The following A4GALT variants were observed in gnomAD, a reference collection of about 807,000 sequenced individuals.
The protein encoded by A4GALT is lactosylceramide 4-alpha-galactosyltransferase.
For missense variants in A4GALT, 512 were observed against 486.0 expected (o/e 1.05, Z -0.50); for synonymous variants, 257 against 220.7 (o/e 1.16, Z -1.46).
Position 42,692,719 on chromosome 22 carries a change from TC to T in A4GALT, c.*170del, listed in dbSNP as rs1321731296. The T allele has an allele frequency of 3.8e-6, 3 of 788,880 alleles. No homozygotes were observed. In the African/African-American group the frequency reaches 5.1e-5, roughly 13 times the overall value. 48.9% of individuals were successfully genotyped at this position (788,880 alleles called of 1,614,324 possible). A position where few individuals can be genotyped will look rare whatever the true frequency, so the allele number is the denominator to read the frequency against. On this transcript the variant is annotated 3_prime_UTR_variant, in exon 3 of 3. Transcript: ENST00000642412. This position sits in a 1 kb window ranked among gnomAD's most constrained non-coding sequence, Gnocchi z 4.6. ...CCTGCCTCGAGACAGGACACTGTCC[TC>T]GGGGTGTCCACAGCCTCCCACTGGG...
intron 1 of A4GALT, among the ~76,000 whole-genome samples, chr22:42,712,726 G>A (rs1175795445): frequency 6.6e-6 from 1 of 152,126 alleles, no homozygotes; most frequent in South Asian, 2.1e-4. Flanking sequence ...CTGGCCAACA[G>A]GGTGAAACCC....
At chr22:42,707,995 T>A (rs1479190249) in intron 1 of A4GALT, among the ~76,000 whole-genome samples, 1 of 149,874 alleles carries the variant, frequency 6.7e-6, no homozygotes, top group Non-Finnish European at 1.5e-5. Context: ...GGCTCACGCC[T>A]GTAATCCCAG....
chr22:42,716,792 T>C (rs1569071835), intron 1 of A4GALT, among the ~76,000 whole-genome samples: 1 of 152,184 alleles, frequency 6.6e-6, no homozygotes, highest in African/African-American at 2.4e-5. Context: ...TCTGGCTTAA[T>C]GGGTAGAGGC....
intron 1 of A4GALT, among the ~76,000 whole-genome samples, chr22:42,716,648 G>A (rs945561730): frequency 2.6e-5 from 4 of 152,162 alleles, no homozygotes; most frequent in African/African-American, 9.7e-5. Context: ...GCCTGGGGCT[G>A]CACCAGGGCT....
intron 1 of A4GALT, among the ~76,000 whole-genome samples, chr22:42,696,759 C>T (rs1444593058): frequency 6.6e-6 from 1 of 151,802 alleles, no homozygotes; most frequent in Non-Finnish European, 1.5e-5. Flanking sequence ...CCACTGGGCC[C>T]CATGTGTCCC....
intron 1 of A4GALT, among the ~76,000 whole-genome samples, chr22:42,712,503 G>T (rs894262111): frequency 1.1e-4 from 17 of 152,174 alleles, no homozygotes; most frequent in African/African-American, 4.1e-4. Flanking sequence ...CCATGGAAAG[G>T]GCATCTAGAA....
Position 42,692,511 on chromosome 22 carries a change from A to C in A4GALT, c.*379T>G. The C allele has an allele frequency of 2.1e-5, 8 of 379,226 alleles. No individual in the cohort carries two copies. The highest frequency in any genetic ancestry group is 3.7e-5 in the Non-Finnish European group (7 of 190,698). The allele number at this position is 379,226 out of a possible 1,614,324, so 23.5% of individuals were successfully genotyped here. ...CAACAGCCTCCTCTCCTCTCTGGGA[A>C]TCTTGTCCCTTCTTCCCCATCCCCT... On this transcript the variant is annotated 3_prime_UTR_variant, in exon 3 of 3. Transcript: ENST00000642412. This position sits in a 1 kb window ranked among gnomAD's most constrained non-coding sequence, Gnocchi z 4.6.
rs553571087 is a variant in A4GALT, at chr22:42,696,276, C to T, written c.-187-645G>A. 9.2e-5 allele frequency among the ~76,000 whole-genome samples: 14 copies of T among 151,420 alleles called. No individual in the cohort carries two copies. In the South Asian group the frequency reaches 1.5e-3, roughly 16 times the overall value. Reference sequence around the variant, plus strand: ...TCTCTACTAAAAATACAAAATTAGCCGGGCATGGTGGCGCATGCCTGTAAT... The same window carrying T: ...TCTCTACTAAAAATACAAAATTAGCTGGGCATGGTGGCGCATGCCTGTAAT... On this transcript the variant is annotated intron_variant, in intron 1 of 2. Transcript: ENST00000642412.
Position 42,696,153 on chromosome 22 carries a change from G to T in A4GALT, c.-187-522C>A, listed in dbSNP as rs1184409139. ...AAAAAAAAAAAAGCCAGGCGCGGTA[G>T]CTCACGCCTGTAATCCCAGCACTTT... On this transcript the variant is annotated intron_variant, in intron 1 of 2. Coordinates refer to ENST00000642412, the MANE Select transcript of A4GALT (RefSeq NM_017436.7). Among the ~76,000 whole-genome samples the T allele has an allele frequency of 2.2e-5, 3 of 139,244 alleles. No homozygotes were observed. The Admixed American group carries it at 2.2e-4, about 10-fold the overall frequency. 91.3% of individuals were successfully genotyped at this position (139,244 alleles called of 152,430 possible). A position where few individuals can be genotyped will look rare whatever the true frequency, so the allele number is the denominator to read the frequency against.
intron 1 of A4GALT, among the ~76,000 whole-genome samples, chr22:42,706,555 G>C (rs1921151972): frequency 6.6e-6 from 1 of 151,924 alleles, no homozygotes; most frequent in Non-Finnish European, 1.5e-5. Flanking sequence ...AGCACTTTGG[G>C]AGGCCAAGAC....
chr22:42,701,080 C>T (rs527649788), intron 1 of A4GALT, among the ~76,000 whole-genome samples: 1 of 152,340 alleles, frequency 6.6e-6, no homozygotes, highest in South Asian at 2.1e-4. Flanking sequence ...CCTCCCCACC[C>T]ACCTCCACCC....
chr22:42,706,148 G>A lies in A4GALT; in HGVS notation c.-187-10517C>T, dbSNP rs1215004795. Among the ~76,000 whole-genome samples, 6 of 77,538 alleles carry A rather than the reference G, an allele frequency of 7.7e-5. 1 individual carries two copies. The highest frequency in any genetic ancestry group is 1.0e-4 in the Non-Finnish European group (3 of 28,638). The allele number at this position is 77,538 out of a possible 152,430, so 50.9% of individuals were successfully genotyped here. On this transcript the variant is annotated intron_variant, in intron 1 of 2. Coordinates refer to ENST00000642412, the MANE Select transcript of A4GALT (RefSeq NM_017436.7). ...AGGCGGGCGGATCACGAGGTCAGGA[G>A]ATCGAGACCATCCTGGCTAACACGG...
At chr22:42,702,066 C>T (rs1007443217) in intron 1 of A4GALT, among the ~76,000 whole-genome samples, 2 of 152,224 alleles carry the variant, frequency 1.3e-5, no homozygotes, top group Non-Finnish European at 2.9e-5. Context: ...TGTCCCTCCC[C>T]TCTTTCTCTC....
rs772764072 is a variant in A4GALT, at chr22:42,693,182, AC to A, written c.769del (p.Val257SerfsTer93). 6.3e-7 allele frequency: 1 copy of A among 1,597,598 alleles called. No individual in the cohort carries two copies. The highest frequency in any genetic ancestry group is 1.1e-5 in the South Asian group (1 of 89,424). On this transcript the variant is annotated frameshift_variant, in exon 3 of 3. Coordinates refer to ENST00000642412, the MANE Select transcript of A4GALT (RefSeq NM_017436.7). LOFTEE classifies it low-confidence loss of function (END_TRUNC). ...GHQGPQLLTR[V>X]FKKWCSIRSL... Reference sequence around the variant, plus strand: ...GCGGATGGAACACCACTTCTTGAAGACCCGCGTGAGCAGCTGCGGGCCCTGG... The same window carrying A: ...GCGGATGGAACACCACTTCTTGAAGACCGCGTGAGCAGCTGCGGGCCCTGG...
In A4GALT at chr22:42,693,970, C is replaced by G. The variant is rs1265108925; in HGVS notation, c.-19G>C. 2 of 1,558,288 alleles carry G rather than the reference C, an allele frequency of 1.3e-6. No homozygotes were observed. Among genetic ancestry groups the G allele is most frequent in the Admixed American group, 1.9e-5 (1 of 52,470 alleles). ...TGGACATGGTATCCCCAGATCAGAC[C>G]AGGAGCTTCCAGCAGGAACCGGCTG... is the stretch of plus-strand genomic sequence containing the variant. On this transcript the variant is annotated 5_prime_UTR_variant, in exon 3 of 3. Coordinates refer to ENST00000642412, the MANE Select transcript of A4GALT (RefSeq NM_017436.7).
In A4GALT at chr22:42,702,814, C is replaced by T. The variant is rs1340058436; in HGVS notation, c.-187-7183G>A. The stretch of plus-strand genomic sequence containing the variant: ...GTTCCTTCACTTGCCGAGGACGCAC[C>T]TGGTGGAGTCAGGCGGTCCTGGCCC... On this transcript the variant is annotated intron_variant, in intron 1 of 2. Transcript: ENST00000642412. Among the ~76,000 whole-genome samples, 2 of 143,860 alleles carry T rather than the reference C, an allele frequency of 1.4e-5. 1 individual carries two copies. The highest frequency in any genetic ancestry group is 5.9e-5 in the African/African-American group (2 of 34,006). 94.4% of individuals were successfully genotyped at this position (143,860 alleles called of 152,430 possible).
intron 1 of A4GALT, among the ~76,000 whole-genome samples, chr22:42,717,054 G>A (rs751504912): frequency 7.9e-5 from 12 of 152,142 alleles, no homozygotes; most frequent in Non-Finnish European, 1.6e-4. Context: ...GGGAAGGTGT[G>A]TGGGCACAGG....
At chr22:42,720,071 C>T (rs1038488695) in intron 1 of A4GALT, among the ~76,000 whole-genome samples, 2 of 152,130 alleles carry the variant, frequency 1.3e-5, no homozygotes, top group Admixed American at 6.5e-5. Flanking sequence ...CCAGGTGCCC[C>T]GGCAGATCCT....
At chr22:42,720,198 C>T (rs577662650) in intron 1 of A4GALT, among the ~76,000 whole-genome samples, 31 of 152,244 alleles carry the variant, frequency 2.0e-4, no homozygotes, top group Non-Finnish European at 3.4e-4. Context: ...ACCGGCTCGC[C>T]CCGTGCCCAG....
Sources: gnomAD v4.1 joint callset for allele counts (sites outside exome capture counted in the v4.1 genomes callset) on GRCh38, gnomAD v4.1.1 for gene constraint, Gnocchi (gnomAD v3.1) non-coding constraint, MANE v1.5 for transcripts, NCBI Gene and HGNC (gene_info 2026-07-23, HGNC 2026-07-21) for gene names.